The following UBE2O variants were observed in gnomAD, a reference collection of about 807,000 sequenced individuals.
UBE2O encodes the protein (E3-independent) E2 ubiquitin-conjugating enzyme.
UBE2O carries 15 observed loss-of-function variants against 125.8 expected under a neutral mutation model. That is an observed-to-expected ratio of 0.12 (90% confidence interval 0.08 to 0.18). UBE2O has a LOEUF of 0.18. Ranked by LOEUF, UBE2O falls within the 10% of genes least tolerant of loss-of-function variation. UBE2O has a pLI of 1.00. For synonymous variants in UBE2O, 708 were observed against 703.2 expected, an observed-to-expected ratio of 1.01 and a Z score of -0.11; for missense variants, 1,280 against 1,723.6, an observed-to-expected ratio of 0.74 and a Z score of 4.56.
chr17:76,430,974 C>G (rs932991462), intron 1 of UBE2O: 10 of 278,412 alleles, frequency 3.6e-5, no homozygotes, highest in Non-Finnish European at 7.1e-5. Flanking sequence ...TTCACTTCTT[C>G]GTGCATAAGT....
At chr17:76,449,992 G>C (rs1008997544) in intron 1 of UBE2O, among the ~76,000 whole-genome samples, 1 of 151,924 alleles carries the variant, frequency 6.6e-6, no homozygotes, top group African/African-American at 2.4e-5. Flanking sequence ...CTGGGAGGCT[G>C]AGGCAGGAGG....
rs936506576 is a variant in UBE2O at position 76,400,925 on chromosome 17, C to G, written c.894+86G>C. 1 of 1,527,120 alleles carries G rather than the reference C, an allele frequency of 6.5e-7. No individual in the cohort carries two copies. Among genetic ancestry groups the G allele is most frequent in the African/African-American group, 1.4e-5 (1 of 73,318 alleles). The allele number at this position is 1,527,120 out of a possible 1,614,324, so 94.6% of individuals were successfully genotyped here. ...ATGCTGAGGAGCGGGGCTCAACCCTCAAGAGCAGGAAGGAAAGGGGCAGCA... is the reference window on the plus strand; with the variant it reads ...ATGCTGAGGAGCGGGGCTCAACCCTGAAGAGCAGGAAGGAAAGGGGCAGCA... On this transcript the variant is annotated intron_variant, in intron 6 of 17. Coordinates refer to ENST00000319380, the MANE Select transcript of UBE2O (RefSeq NM_022066.4). The surrounding 1 kb of genome is among the most constrained non-coding windows in gnomAD (Gnocchi z 4.3).
rs1332605057 is a variant in UBE2O at position 76,391,171 on chromosome 17, G to C, written c.3651C>G (p.Asp1217Glu). The change falls in exon 18 of 18, where the codon GAC (aspartate) becomes GAG (glutamate). Residue 1217 changes from aspartate to glutamate, a missense_variant. Physicochemically the swap from Asp to Glu is conservative, Grantham distance 45 (BLOSUM62 2). Coordinates refer to ENST00000319380, the MANE Select transcript of UBE2O (RefSeq NM_022066.4). The surrounding 1 kb of genome is among the most constrained non-coding windows in gnomAD (Gnocchi z 8.4). Reference protein sequence around the residue: ...GLASASRDHTDQTSETAPDAS... With the variant: ...GLASASRDHTEQTSETAPDAS... ...CGTCTGGTGCGGTCTCCGAAGTCTG[G>C]TCTGTGTGGTCCCTGCTAGCTGAGG... 1 of 1,613,600 alleles carries C rather than the reference G, an allele frequency of 6.2e-7. No individual in the cohort carries two copies. The highest frequency in any genetic ancestry group is 8.5e-7 in the Non-Finnish European group (1 of 1,179,722).
chr17:76,444,230 G>GCAAAACAAAACAAAA (rs375071440), intron 1 of UBE2O, among the ~76,000 whole-genome samples: 1 of 151,240 alleles, frequency 6.6e-6, no homozygotes, highest in Non-Finnish European at 1.5e-5. Context: ...CACAAACAAA[G>GCAAAACAAAACAAAA]CAAAACAAAA....
chr17:76,416,171 CGT>C (rs113731509), intron 1 of UBE2O, among the ~76,000 whole-genome samples: 3,229 of 146,250 alleles, frequency 0.022, 87 homozygotes, highest in African/African-American at 0.066. Context: ...TATACACATA[CGT>C]GTGTGTGTGT....
chr17:76,428,751 TTA>T (rs2072854567), intron 1 of UBE2O, among the ~76,000 whole-genome samples: 2 of 152,204 alleles, frequency 1.3e-5, no homozygotes, highest in Non-Finnish European at 2.9e-5. Context: ...TTACATGTGG[TTA>T]CATGAATCCA....
rs1436618189 is a variant in UBE2O, at chr17:76,405,576, TA to T, written c.418-5del. On this transcript the variant is annotated splice_region_variant and splice_polypyrimidine_tract_variant and intron_variant, in intron 1 of 17. Transcript: ENST00000319380. This position sits in a 1 kb window ranked among gnomAD's most constrained non-coding sequence, Gnocchi z 6.1. ...CAGAACGGTCCTCTAGTTTCAGCTG[TA>T]AAAGAAAATACAGGTGTGAGAGAAT... 1 of 1,586,932 alleles carries T rather than the reference TA, an allele frequency of 6.3e-7. No homozygotes were observed. Among genetic ancestry groups the T allele is most frequent in the Non-Finnish European group, 8.6e-7 (1 of 1,168,220 alleles).
chr17:76,442,178 C>T (rs990101635), intron 1 of UBE2O, among the ~76,000 whole-genome samples: 1 of 152,176 alleles, frequency 6.6e-6, no homozygotes. Context: ...CCACAATGCA[C>T]GTAGTCTGCC....
chr17:76,396,025 G>A lies in UBE2O; in HGVS notation c.2809+103C>T, dbSNP rs2072201746. On this transcript the variant is annotated intron_variant, in intron 14 of 17. Transcript: ENST00000319380. The surrounding 1 kb of genome is among the most constrained non-coding windows in gnomAD (Gnocchi z 6.7). ...ATGGTTTGCCCTGGGGCAGTAGCTG[G>A]GGTCTGGCGAGGGGACTAACCACCC... The A allele has an allele frequency of 6.8e-7, 1 of 1,478,468 alleles. No individual in the cohort carries two copies. The highest frequency in any genetic ancestry group is 9.2e-7 in the Non-Finnish European group (1 of 1,084,478). The allele number at this position is 1,478,468 out of a possible 1,614,324, so 91.6% of individuals were successfully genotyped here.
intron 1 of UBE2O, among the ~76,000 whole-genome samples, chr17:76,435,633 C>T (rs886829533): frequency 1.3e-5 from 2 of 152,194 alleles, no homozygotes; most frequent in Non-Finnish European, 2.9e-5. Context: ...AAGGTGATCT[C>T]GTGCAATCCC....
Position 76,395,144 on chromosome 17 carries a change from G to A in UBE2O, c.2946+581C>T, listed in dbSNP as rs2072182488. Reference sequence around the variant, plus strand: ...ACCTGCCTCGGCTTCCCGAAGTGCTGGGATTACAGTCGTGAGCCACCGCAC... The same window carrying A: ...ACCTGCCTCGGCTTCCCGAAGTGCTAGGATTACAGTCGTGAGCCACCGCAC... On this transcript the variant is annotated intron_variant, in intron 15 of 17. Transcript: ENST00000319380. This position sits in a 1 kb window ranked among gnomAD's most constrained non-coding sequence, Gnocchi z 5.0. Among the ~76,000 whole-genome samples, 1 of 151,922 alleles carries A rather than the reference G, an allele frequency of 6.6e-6. No homozygotes were observed. The highest frequency in any genetic ancestry group is 1.5e-5 in the Non-Finnish European group (1 of 68,012).
At position 76,395,828 on chromosome 17, in the gene UBE2O, G is replaced by A; in HGVS notation, c.2843C>T (p.Pro948Leu). Reference protein sequence around the residue: ...NHSFKKIEFQPPEAKKFFSTV... With the variant: ...NHSFKKIEFQLPEAKKFFSTV... ...GCTGAAGAACTTCTTGGCTTCTGGAGGCTGGAACTCAATTTTCTTAAAAGA... is the reference window on the plus strand; with the variant it reads ...GCTGAAGAACTTCTTGGCTTCTGGAAGCTGGAACTCAATTTTCTTAAAAGA... Residue 948 changes from proline to leucine, a missense_variant, in exon 15 of 18, where the codon CCT (proline) becomes CTT (leucine). By Grantham distance (98) the Pro-to-Leu change is moderately conservative. This residue lies in a region of UBE2O where 116 missense variants were observed against 154.8 expected (regional missense o/e 0.75). Coordinates refer to ENST00000319380, the MANE Select transcript of UBE2O (RefSeq NM_022066.4). This position sits in a 1 kb window ranked among gnomAD's most constrained non-coding sequence, Gnocchi z 5.0. The A allele has an allele frequency of 1.2e-6, 2 of 1,614,250 alleles. No homozygotes were observed. The highest frequency in any genetic ancestry group is 2.7e-5 in the African/African-American group (2 of 75,068).
At position 76,391,688 on chromosome 17, in the gene UBE2O, G is replaced by C; in HGVS notation, c.3208+68C>G. ...CAGGCCTACCCTCCACCTGCCAGGG[G>C]GACTATCAGAGTCACTTTCCTCCAC... On this transcript the variant is annotated intron_variant, in intron 17 of 17. Coordinates refer to ENST00000319380, the MANE Select transcript of UBE2O (RefSeq NM_022066.4). The surrounding 1 kb of genome is among the most constrained non-coding windows in gnomAD (Gnocchi z 8.4). The C allele has an allele frequency of 1.2e-6, 2 of 1,605,890 alleles. No individual in the cohort carries two copies. The highest frequency in any genetic ancestry group is 2.7e-5 in the African/African-American group (2 of 74,944).
chr17:76,391,571 A>G lies in UBE2O; in HGVS notation c.3251T>C (p.Phe1084Ser). ...VNEPYYNEAG[F>S]DSDRGLQEGY... Reference sequence around the variant, plus strand: ...TTCCTGCAGGCCTCGGTCACTGTCGAAGCCGGCTTCGTTGTAGTATGGTTC... The same window carrying G: ...TTCCTGCAGGCCTCGGTCACTGTCGGAGCCGGCTTCGTTGTAGTATGGTTC... The change falls in exon 18 of 18, where the codon TTC becomes TCC. Residue 1084 changes from phenylalanine (F) to serine (S), a missense_variant. Phe to Ser is a radical substitution (Grantham distance 155). This residue lies in a region of UBE2O where 233 missense variants were observed against 279.0 expected (regional missense o/e 0.84). Transcript: ENST00000319380. The surrounding 1 kb of genome is among the most constrained non-coding windows in gnomAD (Gnocchi z 8.4). 1 of 1,614,018 alleles carries G rather than the reference A, an allele frequency of 6.2e-7. No individual in the cohort carries two copies.
intron 1 of UBE2O, among the ~76,000 whole-genome samples, chr17:76,451,777 G>T (rs1287480950): frequency 1.8e-5 from 2 of 111,724 alleles, no homozygotes; most frequent in African/African-American, 3.4e-5. Context: ...GAGATACAGG[G>T]GGGTGTGTGT....
chr17:76,418,569 G>GTT (rs33997542), intron 1 of UBE2O, among the ~76,000 whole-genome samples: 32 of 144,826 alleles, frequency 2.2e-4, no homozygotes, highest in Non-Finnish European at 2.4e-4. Flanking sequence ...GGAGGAACAG[G>GTT]TTTTTTTTTT....
At chr17:76,394,071 C>T (rs975110888) in intron 15 of UBE2O, among the ~76,000 whole-genome samples, 4 of 152,190 alleles carry the variant, frequency 2.6e-5, no homozygotes, top group African/African-American at 4.8e-5. Context: ...AAACCAAAAG[C>T]GTTATTAAGA....
At position 76,404,782 on chromosome 17, in the gene UBE2O, G is replaced by A. The variant is rs1015381420; in HGVS notation, c.588+424C>T. ...AAAAAAGACCGGAGGGGGATCTCGG[G>A]GAAAAGGAGGGAGGGAAGGTGATGG... is the stretch of plus-strand genomic sequence containing the variant. On this transcript the variant is annotated intron_variant, in intron 3 of 17. Coordinates refer to ENST00000319380, the MANE Select transcript of UBE2O (RefSeq NM_022066.4). The surrounding 1 kb of genome is among the most constrained non-coding windows in gnomAD (Gnocchi z 4.3). Among the ~76,000 whole-genome samples the A allele has an allele frequency of 4.6e-5, 7 of 152,060 alleles. No homozygotes were observed. The highest frequency in any genetic ancestry group is 2.0e-4 in the Admixed American group (3 of 15,256).
At position 76,405,610 on chromosome 17, in the gene UBE2O, G is replaced by T; in HGVS notation, c.418-38C>A. The T allele has an allele frequency of 6.5e-7, 1 of 1,526,984 alleles. No homozygotes were observed. Among genetic ancestry groups the T allele is most frequent in the Non-Finnish European group, 8.9e-7 (1 of 1,119,146 alleles). 94.6% of individuals were successfully genotyped at this position (1,526,984 alleles called of 1,614,324 possible). ...ATACAGGTGTGAGAGAATGGACTCT[G>T]AAGCCACCACAGAATACAGTTTTCT... On this transcript the variant is annotated intron_variant, in intron 1 of 17. Coordinates refer to ENST00000319380, the MANE Select transcript of UBE2O (RefSeq NM_022066.4). The surrounding 1 kb of genome is among the most constrained non-coding windows in gnomAD (Gnocchi z 6.1).
Sources: gnomAD v4.1 joint callset for allele counts (sites outside exome capture counted in the v4.1 genomes callset) on GRCh38, gnomAD v4.1.1 for gene constraint, gnomAD v4.1.1 regional missense constraint, Gnocchi (gnomAD v3.1) non-coding constraint, MANE v1.5 for transcripts, NCBI Gene and HGNC (gene_info 2026-07-23, HGNC 2026-07-21) for gene names.